ANGPT1: variants seen among roughly 807,000 people sequenced by gnomAD.
The protein encoded by ANGPT1 is angiopoietin-1.
A neutral mutation model predicts 62.2 loss-of-function variants in ANGPT1; 17 were observed. That is an observed-to-expected ratio of 0.27 (90% CI 0.19 to 0.41). The LOEUF (loss-of-function observed/expected upper bound fraction) is 0.41. Ranked by LOEUF, ANGPT1 falls within the 10% of genes least tolerant of loss-of-function variation. ANGPT1 has a pLI of 1.00. For missense variants in ANGPT1, 478 were observed against 594.9 expected, an observed-to-expected ratio of 0.80 and a Z score of 2.04; for synonymous variants, 199 against 198.9, an observed-to-expected ratio of 1.00 and a Z score of 0.00.
At chr8:107,325,862 T>C (rs961232060) in intron 3 of ANGPT1, among the ~76,000 whole-genome samples, 16 of 152,060 alleles carry the variant, frequency 1.1e-4, no homozygotes, top group African/African-American at 3.6e-4. Flanking sequence ...GTAAAGAAGG[T>C]GGGCTTGTTT....
chr8:107,452,103 T>A (rs1811794034), intron 1 of ANGPT1, among the ~76,000 whole-genome samples: 1 of 151,720 alleles, frequency 6.6e-6, no homozygotes, highest in East Asian at 1.9e-4. Flanking sequence ...AGACAGGATA[T>A]TAACACTTAA....
chr8:107,478,250 C>CAA (rs546300255), intron 1 of ANGPT1, among the ~76,000 whole-genome samples: 391 of 140,458 alleles, frequency 2.8e-3, no homozygotes, highest in African/African-American at 7.6e-3. Context: ...TATACCTATT[C>CAA]AAAAAAAAAA....
intron 1 of ANGPT1, among the ~76,000 whole-genome samples, chr8:107,481,805 A>ATC (rs1812695179): frequency 6.6e-6 from 1 of 152,086 alleles, no homozygotes; most frequent in African/African-American, 2.4e-5. Flanking sequence ...ATTCCGTGAG[A>ATC]ACTCACTCAC....
At chr8:107,408,243 A>G (rs889714170) in intron 1 of ANGPT1, among the ~76,000 whole-genome samples, 1 of 152,142 alleles carries the variant, frequency 6.6e-6, no homozygotes, top group Admixed American at 6.6e-5. Context: ...AATGTTTGCT[A>G]TTTTATCCAT....
At chr8:107,400,806 C>T (rs1274526010) in intron 1 of ANGPT1, among the ~76,000 whole-genome samples, 1 of 152,042 alleles carries the variant, frequency 6.6e-6, no homozygotes, top group African/African-American at 2.4e-5. Flanking sequence ...GTGATCCGTC[C>T]ACCTCGGCCT....
intron 1 of ANGPT1, among the ~76,000 whole-genome samples, chr8:107,472,365 G>A (rs1221550501): frequency 1.3e-5 from 2 of 152,010 alleles, no homozygotes; most frequent in African/African-American, 4.8e-5. Context: ...TGAGTGAGGA[G>A]TTATGCTCAC....
At chr8:107,474,989 T>C (rs893248616) in intron 1 of ANGPT1, among the ~76,000 whole-genome samples, 1 of 152,042 alleles carries the variant, frequency 6.6e-6, no homozygotes, top group East Asian at 1.9e-4. Flanking sequence ...GAATCAATAT[T>C]GTGAAAATGG....
intron 4 of ANGPT1, among the ~76,000 whole-genome samples, chr8:107,305,907 C>A (rs1433344892): frequency 6.6e-6 from 1 of 151,978 alleles, no homozygotes; most frequent in Non-Finnish European, 1.5e-5. Flanking sequence ...AAAGTTTCAT[C>A]CACAGCTTAC....
intron 5 of ANGPT1, chr8:107,294,671 T>A (rs1264100971): frequency 1.3e-5 from 2 of 152,218 alleles, no homozygotes; most frequent in African/African-American, 2.4e-5. Flanking sequence ...ACATATTGTA[T>A]CTCTTCTGAC....
chr8:107,300,873 A>G (rs1166586478), intron 5 of ANGPT1, among the ~76,000 whole-genome samples: 4 of 151,988 alleles, frequency 2.6e-5, no homozygotes, highest in Non-Finnish European at 4.4e-5. Flanking sequence ...AAACCAACCC[A>G]GGAGCCAGCC....
intron 3 of ANGPT1, among the ~76,000 whole-genome samples, chr8:107,323,175 A>G (rs896039097): frequency 1.1e-4 from 17 of 152,178 alleles, no homozygotes; most frequent in African/African-American, 3.9e-4. Flanking sequence ...ATTAAAAATG[A>G]TAGAGAAAGC....
At chr8:107,358,726 A>C (rs1816101467) in intron 1 of ANGPT1, among the ~76,000 whole-genome samples, 1 of 152,194 alleles carries the variant, frequency 6.6e-6, no homozygotes, top group Non-Finnish European at 1.5e-5. Flanking sequence ...AAGCTGGGAG[A>C]ACTGGATACT....
At chr8:107,277,247 A>C (rs540147864) in intron 7 of ANGPT1, among the ~76,000 whole-genome samples, 9 of 152,290 alleles carry the variant, frequency 5.9e-5, no homozygotes, top group African/African-American at 1.7e-4. Flanking sequence ...TGTAAGGAAC[A>C]AACTGTTCCC....
At chr8:107,492,633 G>A (rs1194317666) in intron 1 of ANGPT1, among the ~76,000 whole-genome samples, 1 of 136,768 alleles carries the variant, frequency 7.3e-6, no homozygotes, top group Non-Finnish European at 1.6e-5. Context: ...CACCACGCCC[G>A]GCCAATATGT....
intron 5 of ANGPT1, among the ~76,000 whole-genome samples, chr8:107,298,952 G>A (rs1389380691): frequency 6.6e-6 from 1 of 151,808 alleles, no homozygotes. Flanking sequence ...AAGGGTGAAA[G>A]TCTTAACGAT....
rs375594857 is a variant in ANGPT1, at chr8:107,284,742, C to T, written c.1145G>A (p.Gly382Glu). The T allele has an allele frequency of 1.2e-6, 2 of 1,610,892 alleles. No individual in the cohort carries two copies. Among genetic ancestry groups the T allele is most frequent in the Non-Finnish European group, 1.7e-6 (2 of 1,177,988 alleles). ...GTCATACTGTGAATAGGCTCGGTTCCCTTCCCAGTCCATTAACTCAATTCT... is the reference window on the plus strand; with the variant it reads ...GTCATACTGTGAATAGGCTCGGTTCTCTTCCCAGTCCATTAACTCAATTCT... ...MLRIELMDWE[G>E]NRAYSQYDRF... The change falls in exon 7 of 9, where the codon GGG (glycine) becomes GAG (glutamate). Residue 382 changes from glycine to glutamate, a missense_variant. Gly to Glu is a moderately conservative substitution (Grantham distance 98, BLOSUM62 -2). Transcript: ENST00000517746.
chr8:107,346,772 CA>C (rs917308686), intron 2 of ANGPT1, among the ~76,000 whole-genome samples, 169 bp downstream of exon 2: 1 of 151,266 alleles, frequency 6.6e-6, no homozygotes, highest in South Asian at 2.1e-4. Context: ...CTCATTAGAT[CA>C]AAAAAAACAC....
intron 1 of ANGPT1, among the ~76,000 whole-genome samples, chr8:107,370,700 C>CAAAAAAAAAAAAAAAAAA (rs71308729): frequency 1.3e-5 from 1 of 75,574 alleles, no homozygotes; most frequent in African/African-American, 5.2e-5. Context: ...AAGACTCTGT[C>CAAAAAAAAAAAAAAAAAA]AAAAAAAAAA....
intron 1 of ANGPT1, among the ~76,000 whole-genome samples, chr8:107,482,190 A>G (rs1336232130): frequency 6.6e-6 from 1 of 152,152 alleles, no homozygotes; most frequent in Non-Finnish European, 1.5e-5. Flanking sequence ...GTTCCGTCAT[A>G]TTACCCTCCA....
Sources: allele counts gnomAD v4.1 joint callset (sites outside exome capture counted in the v4.1 genomes callset), GRCh38; gene constraint gnomAD v4.1.1; transcripts MANE v1.5; gene names NCBI Gene and HGNC (gene_info 2026-07-23, HGNC 2026-07-21).